BOLA1: variants seen among roughly 807,000 people sequenced by gnomAD.
BOLA1 encodes the protein bolA-like protein 1.
BOLA1 carries 6 observed loss-of-function variants against 6.6 expected under a neutral mutation model. That is an observed-to-expected ratio of 0.92 (90% CI 0.50 to 1.81). The LOEUF is 1.81. Ranked by LOEUF, BOLA1 falls within the 40% of genes most tolerant of loss-of-function variation. The pLI is 0.01. For missense variants in BOLA1, 183 were observed against 186.8 expected (o/e 0.98, Z 0.12); for synonymous variants, 87 against 85.6 (o/e 1.02, Z -0.09).
chr1:149,900,528 G>C lies in BOLA1; in HGVS notation c.*55G>C. The C allele has an allele frequency of 6.6e-7, 1 of 1,508,916 alleles. No individual in the cohort carries two copies. The highest frequency in any genetic ancestry group is 8.9e-7 in the Non-Finnish European group (1 of 1,123,490). The allele number at this position is 1,508,916 out of a possible 1,614,324, so 93.5% of individuals were successfully genotyped here. Reference sequence around the variant, plus strand: ...ATGGGCTGGGTGAGCACGAATTACCGAGGCCTTCCCTTTGATACAGTCCAG... The same window carrying C: ...ATGGGCTGGGTGAGCACGAATTACCCAGGCCTTCCCTTTGATACAGTCCAG... On this transcript the variant is annotated 3_prime_UTR_variant, in exon 2 of 2. Transcript: ENST00000369152.
Position 149,900,143 on chromosome 1 carries a change from C to T in BOLA1, c.84C>T (p.Ala28=), listed in dbSNP as rs1359838266. 3 of 1,613,174 alleles carry T rather than the reference C, an allele frequency of 1.9e-6. No individual in the cohort carries two copies. Among genetic ancestry groups the T allele is most frequent in the Non-Finnish European group, 2.5e-6 (3 of 1,179,594 alleles). ...GCCAGGGCAGCGCGGGATCCGGGGC[C>T]ATCGGTCCGGTGGAGGCCGCCATTC... is the stretch of plus-strand genomic sequence containing the variant. ...CLCQGSAGSG[A]IGPVEAAIRT... The change falls in exon 2 of 2, where the codon GCC becomes GCT. Residue 28 remains alanine, a synonymous_variant. Transcript: ENST00000369152.
chr1:149,900,378 C>T lies in BOLA1; in HGVS notation c.319C>T (p.Gln107Ter), dbSNP rs1553761738. The part of the protein sequence containing the change: ...LGGPVHALAI[Q>*]ARTPAQWREN... Reference sequence around the variant, plus strand: ...AGGTCCGGTCCATGCGCTGGCCATCCAGGCACGGACCCCCGCCCAGTGGAG... The same window carrying T: ...AGGTCCGGTCCATGCGCTGGCCATCTAGGCACGGACCCCCGCCCAGTGGAG... The change falls in exon 2 of 2, where the codon CAG (glutamine) becomes TAG (stop). Residue 107 changes from glutamine to a stop codon, truncating the protein, a stop_gained. Transcript: ENST00000369152. LOFTEE classifies it high-confidence loss of function. The T allele has an allele frequency of 1.2e-6, 2 of 1,613,052 alleles. No individual in the cohort carries two copies. Among genetic ancestry groups the T allele is most frequent in the South Asian group, 1.1e-5 (1 of 91,034 alleles).
rs1412304040 is a variant in BOLA1, at chr1:149,900,554, G to A, written c.*81G>A. The A allele has an allele frequency of 1.4e-6, 2 of 1,450,586 alleles. No homozygotes were observed. Among genetic ancestry groups the A allele is most frequent in the Non-Finnish European group, 1.9e-6 (2 of 1,077,536 alleles). 89.9% of individuals were successfully genotyped at this position (1,450,586 alleles called of 1,614,324 possible). ...AGGCCTTCCCTTTGATACAGTCCAG[G>A]ATTTGTAAGGGATGAAGACCCCTGG... On this transcript the variant is annotated 3_prime_UTR_variant, in exon 2 of 2. Transcript: ENST00000369152.
intron 1 of BOLA1, 33 bp from the exon 2 acceptor site, chr1:149,899,977 G>A: frequency 6.7e-7 from 1 of 1,487,818 alleles, no homozygotes; most frequent in Non-Finnish European, 8.9e-7. Flanking sequence ...TGCGGGGATC[G>A]CGGGGCGGGT....
Position 149,900,594 on chromosome 1 carries a change from G to T in BOLA1, c.*121G>T. 8.9e-7 allele frequency: 1 copy of T among 1,126,030 alleles called. No individual in the cohort carries two copies. Among genetic ancestry groups the T allele is most frequent in the Non-Finnish European group, 1.2e-6 (1 of 802,982 alleles). 69.8% of individuals were successfully genotyped at this position (1,126,030 alleles called of 1,614,324 possible). On this transcript the variant is annotated 3_prime_UTR_variant, in exon 2 of 2. Transcript: ENST00000369152. ...AAGACCCCTGGGCCCCATTCTGTTG[G>T]GGTCCATACATACTCTCCGAAGATA...
Position 149,900,417 on chromosome 1 carries a change from C to T in BOLA1, c.358C>T (p.Leu120=), listed in dbSNP as rs2092387128. The stretch of plus-strand genomic sequence containing the variant: ...CGCCCAGTGGAGAGAGAACTCTCAG[C>T]TGGACACTAGCCCCCCATGCCTGGG... The part of the protein sequence containing the change: ...TPAQWRENSQ[L]DTSPPCLGGN... The change falls in exon 2 of 2, where the codon CTG becomes TTG. Residue 120 remains leucine (L), a synonymous_variant. Transcript: ENST00000369152. 1 of 1,605,498 alleles carries T rather than the reference C, an allele frequency of 6.2e-7. No individual in the cohort carries two copies. Among genetic ancestry groups the T allele is most frequent in the East Asian group, 2.2e-5 (1 of 44,654 alleles).
rs2092387160 is a variant in BOLA1, at chr1:149,900,421, A to T, written c.362A>T (p.Asp121Val). The T allele has an allele frequency of 6.2e-7, 1 of 1,601,544 alleles. No homozygotes were observed. The highest frequency in any genetic ancestry group is 8.5e-7 in the Non-Finnish European group (1 of 1,170,784). ...PAQWRENSQL[D>V]TSPPCLGGNK... ...CAGTGGAGAGAGAACTCTCAGCTGG[A>T]CACTAGCCCCCCATGCCTGGGTGGG... is the stretch of plus-strand genomic sequence containing the variant. The change falls in exon 2 of 2, where the codon GAC (aspartate) becomes GTC (valine). Residue 121 changes from aspartate to valine, a missense_variant. By Grantham distance (152) the Asp-to-Val change is radical. Coordinates refer to ENST00000369152, the MANE Select transcript of BOLA1 (RefSeq NM_016074.5).
intron 1 of BOLA1, 56 bp downstream of exon 1, chr1:149,899,728 CA>C: frequency 3.2e-6 from 1 of 310,286 alleles, no homozygotes; most frequent in Non-Finnish European, 6.0e-6. Flanking sequence ...GGCCCAACCA[CA>C]AGTACGCAGT....
chr1:149,900,040 C>G lies in BOLA1; in HGVS notation c.-20C>G. ...TCGCCCCGACCCTCACTCCTGGCGT[C>G]TGAGTCTCTGGCGTAGCCCATGCTG... On this transcript the variant is annotated 5_prime_UTR_variant, in exon 2 of 2. Coordinates refer to ENST00000369152, the MANE Select transcript of BOLA1 (RefSeq NM_016074.5). 1 of 1,559,258 alleles carries G rather than the reference C, an allele frequency of 6.4e-7. No homozygotes were observed. Among genetic ancestry groups the G allele is most frequent in the African/African-American group, 1.4e-5 (1 of 73,766 alleles).
In BOLA1 at chr1:149,900,075, C is replaced by T; in HGVS notation, c.16C>T (p.Leu6=). ...GGCGTAGCCCATGCTGAGTGGGCGG[C>T]TGGTCCTGGGTCTGGTCTCCATGGC... MLSGR[L]VLGLVSMAGR... Residue 6 remains leucine (L), a synonymous_variant, in exon 2 of 2, where the codon CTG becomes TTG. Coordinates refer to ENST00000369152, the MANE Select transcript of BOLA1 (RefSeq NM_016074.5). 2 of 1,595,246 alleles carry T rather than the reference C, an allele frequency of 1.3e-6. No homozygotes were observed. Among genetic ancestry groups the T allele is most frequent in the South Asian group, 1.1e-5 (1 of 89,540 alleles).
intron 1 of BOLA1, 33 bp downstream of exon 1, chr1:149,899,705 A>G: frequency 4.2e-6 from 1 of 239,966 alleles, no homozygotes; most frequent in Non-Finnish European, 8.1e-6. Context: ...TTCACAGGGA[A>G]CACAGGGGCT....
At position 149,900,756 on chromosome 1, in the gene BOLA1, T is replaced by C. The variant is rs1289619194; in HGVS notation, c.*283T>C. ...ACAGAATTGCACCAGACCTGATGAG[T>C]TGGAAACAATCCTATACATTAAAAG... On this transcript the variant is annotated 3_prime_UTR_variant, in exon 2 of 2. Coordinates refer to ENST00000369152, the MANE Select transcript of BOLA1 (RefSeq NM_016074.5). The C allele has an allele frequency of 2.1e-5, 8 of 383,306 alleles. No individual in the cohort carries two copies. Among genetic ancestry groups the C allele is most frequent in the Admixed American group, 4.2e-5 (1 of 23,856 alleles). 23.7% of individuals were successfully genotyped at this position (383,306 alleles called of 1,614,324 possible). A position where few individuals can be genotyped will look rare whatever the true frequency, so the allele number is the denominator to read the frequency against.
chr1:149,900,609 C>A lies in BOLA1; in HGVS notation c.*136C>A. Reference sequence around the variant, plus strand: ...CATTCTGTTGGGGTCCATACATACTCTCCGAAGATAGCAACTTGCTTCAGG... The same window carrying A: ...CATTCTGTTGGGGTCCATACATACTATCCGAAGATAGCAACTTGCTTCAGG... On this transcript the variant is annotated 3_prime_UTR_variant, in exon 2 of 2. Transcript: ENST00000369152. 1 of 921,196 alleles carries A rather than the reference C, an allele frequency of 1.1e-6. No individual in the cohort carries two copies. The highest frequency in any genetic ancestry group is 1.6e-6 in the Non-Finnish European group (1 of 634,496). The allele number at this position is 921,196 out of a possible 1,614,324, so 57.1% of individuals were successfully genotyped here.
At chr1:149,899,921 C>T in intron 1 of BOLA1, 89 bp from the exon 2 acceptor site, 2 of 1,107,842 alleles carry the variant, frequency 1.8e-6, no homozygotes, top group Non-Finnish European at 2.5e-6. Flanking sequence ...AAGGCGGGCT[C>T]CCTATAGGAG....
rs1553761741 is a variant in BOLA1 at position 149,900,416 on chromosome 1, G to C, written c.357G>C (p.Gln119His). The change falls in exon 2 of 2, where the codon CAG (glutamine) becomes CAC (histidine). Residue 119 changes from glutamine (Q) to histidine (H), a missense_variant. Transcript: ENST00000369152. ...RTPAQWRENS[Q>H]LDTSPPCLGG... The stretch of plus-strand genomic sequence containing the variant: ...CCGCCCAGTGGAGAGAGAACTCTCA[G>C]CTGGACACTAGCCCCCCATGCCTGG... The C allele has an allele frequency of 2.5e-6, 4 of 1,606,074 alleles. No individual in the cohort carries two copies. The highest frequency in any genetic ancestry group is 3.4e-6 in the Non-Finnish European group (4 of 1,174,136).
rs782436362 is a variant in BOLA1 at position 149,900,249 on chromosome 1, A to G, written c.190A>G (p.Ser64Gly). The change falls in exon 2 of 2, where the codon AGT becomes GGT. Residue 64 changes from serine (S) to glycine (G), a missense_variant. By Grantham distance (56) the Ser-to-Gly change is moderately conservative (BLOSUM62 0). Coordinates refer to ENST00000369152, the MANE Select transcript of BOLA1 (RefSeq NM_016074.5). Reference protein sequence around the residue: ...ESGGHAVPPGSETHFRVAVVS... With the variant: ...ESGGHAVPPGGETHFRVAVVS... ...CGGTGGCCACGCGGTCCCGCCTGGC[A>G]GTGAGACTCACTTCCGCGTGGCTGT... 3 of 1,613,012 alleles carry G rather than the reference A, an allele frequency of 1.9e-6. No individual in the cohort carries two copies. The highest frequency in any genetic ancestry group is 1.7e-5 in the Admixed American group (1 of 60,000).
At chr1:149,899,970 G>A in intron 1 of BOLA1, 40 bp from the exon 2 acceptor site, 1 of 1,478,106 alleles carries the variant, frequency 6.8e-7, no homozygotes, top group South Asian at 1.3e-5. Context: ...GGGCGGATGC[G>A]GGGATCGCGG....
Position 149,900,469 on chromosome 1 carries a change from C to T in BOLA1, c.410C>T (p.Pro137Leu), listed in dbSNP as rs2092387671. The T allele has an allele frequency of 2.5e-6, 4 of 1,569,392 alleles. No homozygotes were observed. The highest frequency in any genetic ancestry group is 2.3e-5 in the South Asian group (2 of 86,846). ...LGGNKKTLGT[P>L] ...GGGAACAAGAAAACTCTAGGAACCC[C>T]CTGAACCCCAAGAGAGGGAGGACCA... The change falls in exon 2 of 2, where the codon CCC becomes CTC. Residue 137 changes from proline (P) to leucine (L), a missense_variant. By Grantham distance (98) the Pro-to-Leu change is moderately conservative. Transcript: ENST00000369152.
In BOLA1 at chr1:149,900,580, G is replaced by A. The variant is rs782425133; in HGVS notation, c.*107G>A. 64 of 1,283,378 alleles carry A rather than the reference G, an allele frequency of 5.0e-5. No homozygotes were observed. The highest frequency in any genetic ancestry group is 6.1e-5 in the Non-Finnish European group (57 of 937,196). The allele number at this position is 1,283,378 out of a possible 1,614,324, so 79.5% of individuals were successfully genotyped here. A position where few individuals can be genotyped will look rare whatever the true frequency, so the allele number is the denominator to read the frequency against. On this transcript the variant is annotated 3_prime_UTR_variant, in exon 2 of 2. Coordinates refer to ENST00000369152, the MANE Select transcript of BOLA1 (RefSeq NM_016074.5). Reference sequence around the variant, plus strand: ...ATTTGTAAGGGATGAAGACCCCTGGGCCCCATTCTGTTGGGGTCCATACAT... The same window carrying A: ...ATTTGTAAGGGATGAAGACCCCTGGACCCCATTCTGTTGGGGTCCATACAT...
Sources: gnomAD v4.1 joint callset for allele counts on GRCh38, gnomAD v4.1.1 for gene constraint, MANE v1.5 for transcripts, NCBI Gene and HGNC (gene_info 2026-07-23, HGNC 2026-07-21) for gene names.